Variants in ARHGAP5 observed in about 807,000 individuals in gnomAD.
ARHGAP5 encodes the protein Rho GTPase activating protein 5.
In ARHGAP5, 23 loss-of-function variants were observed where a neutral mutation model predicts 116.6. That is an observed-to-expected ratio of 0.20 (90% confidence interval 0.14 to 0.28). The LOEUF (loss-of-function observed/expected upper bound fraction) is 0.28, where lower values mean the gene tolerates loss of function less well. Ranked by LOEUF, ARHGAP5 falls within the 10% of genes least tolerant of loss-of-function variation. The probability of loss-of-function intolerance (pLI) is 1.00; values close to 1 mark genes in which losing one functional copy is unlikely to be tolerated. For missense variants in ARHGAP5, 1,405 were observed against 1,774.8 expected (o/e 0.79, Z 3.74); for synonymous variants, 574 against 602.0 (o/e 0.95, Z 0.68).
Position 32,077,399 on chromosome 14 carries a change from CCGTT to C in ARHGAP5, c.-204_-201del, listed in dbSNP as rs757817375. On this transcript the variant is annotated 5_prime_UTR_variant, in exon 1 of 7. It introduces an in-frame stop codon into an upstream open reading frame of the 5' UTR. Transcript: ENST00000345122. ...GCCGCCGCCACCGCCGGGGCCGCTGCCGTTGAGGAGGAGACGGAGGAGACCGACG... is the reference window on the plus strand; with the variant it reads ...GCCGCCGCCACCGCCGGGGCCGCTGCGAGGAGGAGACGGAGGAGACCGACG... The C allele has an allele frequency of 1.1e-5, 8 of 704,262 alleles. No homozygotes were observed. Among genetic ancestry groups the C allele is most frequent in the Non-Finnish European group, 7.8e-6 (3 of 386,160 alleles). The allele number at this position is 704,262 out of a possible 1,614,324, so 43.6% of individuals were successfully genotyped here.
In ARHGAP5 at chr14:32,159,314, T is replaced by G. The variant is rs1265792836; in HGVS notation, c.*4366T>G. The stretch of plus-strand genomic sequence containing the variant: ...GTTTATTCTCACAATTCAGATTTTC[T>G]ATTCAGTTTTGTCTCAAATAGTAAG... On this transcript the variant is annotated 3_prime_UTR_variant, in exon 7 of 7. Coordinates refer to ENST00000345122, the MANE Select transcript of ARHGAP5 (RefSeq NM_001030055.2). 1 of 152,182 alleles carries G rather than the reference T, an allele frequency of 6.6e-6. No individual in the cohort carries two copies. The highest frequency in any genetic ancestry group is 1.5e-5 in the Non-Finnish European group (1 of 67,994). The allele number at this position is 152,182 out of a possible 1,614,324, so 9.4% of individuals were successfully genotyped here. A position where few individuals can be genotyped will look rare whatever the true frequency, so the allele number is the denominator to read the frequency against.
chr14:32,136,212 A>C (rs1393687907), intron 3 of ARHGAP5, among the ~76,000 whole-genome samples: 1 of 152,218 alleles, frequency 6.6e-6, no homozygotes, highest in Non-Finnish European at 1.5e-5. Flanking sequence ...ATGTTGTGCA[A>C]CCATCACCTC....
chr14:32,078,605 T>C (rs953803228), intron 1 of ARHGAP5, among the ~76,000 whole-genome samples: 1 of 152,190 alleles, frequency 6.6e-6, no homozygotes, highest in Non-Finnish European at 1.5e-5. Context: ...TGTTGCTTTC[T>C]ACAGGTAGGG....
chr14:32,121,744 T>C lies in ARHGAP5; in HGVS notation c.3865+4457T>C, dbSNP rs574397518. ...AAGAAATACTATACTGATTAAGCAA[T>C]CACTTTCTATTCCCCACTCTCACCC... On this transcript the variant is annotated intron_variant, in intron 3 of 6. Transcript: ENST00000345122. 5.3e-5 allele frequency among the ~76,000 whole-genome samples: 8 copies of C among 152,292 alleles called. No individual in the cohort carries two copies. In the South Asian group the frequency reaches 1.7e-3, roughly 32 times the overall value.
At chr14:32,125,403 T>C (rs1441346385) in intron 3 of ARHGAP5, among the ~76,000 whole-genome samples, 1 of 152,256 alleles carries the variant, frequency 6.6e-6, no homozygotes, top group Non-Finnish European at 1.5e-5. Context: ...TTTGGGTTAT[T>C]TCCACCTTTT....
At position 32,152,536 on chromosome 14, in the gene ARHGAP5, T is replaced by A. The variant is rs1881690029; in HGVS notation, c.4181+8T>A. The A allele has an allele frequency of 6.6e-7, 1 of 1,505,696 alleles. No individual in the cohort carries two copies. Among genetic ancestry groups the A allele is most frequent in the African/African-American group, 1.4e-5 (1 of 69,578 alleles). 93.3% of individuals were successfully genotyped at this position (1,505,696 alleles called of 1,614,324 possible). A position where few individuals can be genotyped will look rare whatever the true frequency, so the allele number is the denominator to read the frequency against. On this transcript the variant is annotated splice_region_variant and intron_variant, in intron 6 of 6. Coordinates refer to ENST00000345122, the MANE Select transcript of ARHGAP5 (RefSeq NM_001030055.2). ...GATAACACATCTAAACAGGTATTTT[T>A]ATTTTTTTAGGGTTTTTTGGCAAAT... is the stretch of plus-strand genomic sequence containing the variant.
intron 3 of ARHGAP5, among the ~76,000 whole-genome samples, chr14:32,140,923 A>T (rs756973458): frequency 5.3e-5 from 8 of 152,112 alleles, no homozygotes; most frequent in Non-Finnish European, 8.8e-5. Context: ...ATCGTCTCCA[A>T]CTTTTATAGT....
At chr14:32,133,491 T>C (rs1189236755) in intron 3 of ARHGAP5, among the ~76,000 whole-genome samples, 1 of 152,202 alleles carries the variant, frequency 6.6e-6, no homozygotes, top group East Asian at 1.9e-4. Context: ...GCTGAGACAA[T>C]GGGGTTTTCT....
At position 32,092,851 on chromosome 14, in the gene ARHGAP5, C is replaced by T; in HGVS notation, c.2182C>T (p.Pro728Ser). Residue 728 changes from proline (P) to serine (S), a missense_variant, in exon 2 of 7, where the codon CCT becomes TCT. Pro to Ser is a moderately conservative substitution (Grantham distance 74, BLOSUM62 -1). Around this residue, in one of 6 missense-constraint regions of ARHGAP5, gnomAD observed 944 missense variants for 1,095.3 expected, o/e 0.86. Coordinates refer to ENST00000345122, the MANE Select transcript of ARHGAP5 (RefSeq NM_001030055.2). This position sits in a 1 kb window ranked among gnomAD's most constrained non-coding sequence, Gnocchi z 4.1. ...GQQLANKLQC[P>S]FVDVPAGTYP... ...GCAGTTGGCAAACAAGTTGCAATGT[C>T]CTTTTGTAGATGTACCTGCTGGTAC... The T allele has an allele frequency of 6.2e-7, 1 of 1,614,040 alleles. No homozygotes were observed. Among genetic ancestry groups the T allele is most frequent in the Non-Finnish European group, 8.5e-7 (1 of 1,179,938 alleles).
rs1479605353 is a variant in ARHGAP5, at chr14:32,111,874, G to A, written c.3718-5266G>A. Among the ~76,000 whole-genome samples, 6 of 117,922 alleles carry A rather than the reference G, an allele frequency of 5.1e-5. No individual in the cohort carries two copies. In the East Asian group the frequency reaches 9.7e-4, roughly 19 times the overall value. The allele number at this position is 117,922 out of a possible 152,430, so 77.4% of individuals were successfully genotyped here. ...TTTTTTTTTTTTTTGACAGAGTCTC[G>A]CTCTGTTACTAGGCTGGAGTGCAGT... On this transcript the variant is annotated intron_variant, in intron 2 of 6. Coordinates refer to ENST00000345122, the MANE Select transcript of ARHGAP5 (RefSeq NM_001030055.2).
At chr14:32,089,291 A>G (rs569634405) in intron 1 of ARHGAP5, among the ~76,000 whole-genome samples, 46 of 151,972 alleles carry the variant, frequency 3.0e-4, no homozygotes, top group African/African-American at 1.1e-3. Flanking sequence ...ACAAGCAGGT[A>G]TTTGTGGGAG....
intron 4 of ARHGAP5, 115 bp from the exon 5 acceptor site, chr14:32,149,787 A>G: frequency 1.7e-6 from 1 of 582,284 alleles, no homozygotes; most frequent in Non-Finnish European, 2.6e-6. Flanking sequence ...AAAAAAAAGA[A>G]AAAGAAAAGT....
intron 2 of ARHGAP5, among the ~76,000 whole-genome samples, chr14:32,102,131 A>G (rs114684812): frequency 0.012 from 1,798 of 152,316 alleles, 30 homozygotes; most frequent in African/African-American, 0.04. Context: ...TATTTTCTGT[A>G]CCTTGCTTAA....
chr14:32,141,555 T>A (rs1881125170), intron 3 of ARHGAP5, among the ~76,000 whole-genome samples: 1 of 152,202 alleles, frequency 6.6e-6, no homozygotes, highest in East Asian at 1.9e-4. Flanking sequence ...TACTGCTGGC[T>A]TATATGCTTG....
At chr14:32,110,015 A>AT (rs1879207952) in intron 2 of ARHGAP5, among the ~76,000 whole-genome samples, 1 of 151,712 alleles carries the variant, frequency 6.6e-6, no homozygotes, top group South Asian at 2.1e-4. Context: ...TTTGTTGTTT[A>AT]TTTTTCCTGG....
rs1360999315 is a variant in ARHGAP5, at chr14:32,155,333, C to G, written c.*385C>G. 1 of 157,438 alleles carries G rather than the reference C, an allele frequency of 6.4e-6. No individual in the cohort carries two copies. Among genetic ancestry groups the G allele is most frequent in the East Asian group, 1.8e-4 (1 of 5,446 alleles). The allele number at this position is 157,438 out of a possible 1,614,324, so 9.8% of individuals were successfully genotyped here. ...CATTTAATGCTTTTCAGCCTGCTTT[C>G]TGGCTGATTTTGTTATTTGATGTGC... On this transcript the variant is annotated 3_prime_UTR_variant, in exon 7 of 7. Transcript: ENST00000345122.
intron 2 of ARHGAP5, among the ~76,000 whole-genome samples, chr14:32,111,200 G>T (rs1373478081): frequency 3.3e-5 from 5 of 152,264 alleles, no homozygotes; most frequent in South Asian, 2.1e-4. Flanking sequence ...GGTGTTCAAG[G>T]CTACAGTGAA....
At chr14:32,131,799 T>C (rs1880511097) in intron 3 of ARHGAP5, among the ~76,000 whole-genome samples, 1 of 152,294 alleles carries the variant, frequency 6.6e-6, no homozygotes, top group African/African-American at 2.4e-5. Flanking sequence ...GTGTTCTCAT[T>C]ATTCAGTTCC....
chr14:32,084,346 T>C (rs1169880590), intron 1 of ARHGAP5, among the ~76,000 whole-genome samples: 2 of 152,208 alleles, frequency 1.3e-5, no homozygotes, highest in Non-Finnish European at 2.9e-5. Context: ...ATACCCCTAT[T>C]GTGTGTTAAT....
Sources: allele counts gnomAD v4.1 joint callset (sites outside exome capture counted in the v4.1 genomes callset), GRCh38; gene constraint gnomAD v4.1.1; regional missense constraint gnomAD v4.1.1; non-coding constraint Gnocchi (gnomAD v3.1); transcripts MANE v1.5; gene names NCBI Gene and HGNC (gene_info 2026-07-23, HGNC 2026-07-21).